Variants in IARS2 observed in about 807,000 individuals in gnomAD.
IARS2 encodes isoleucine--tRNA ligase, mitochondrial.
In IARS2, 56 loss-of-function variants were observed where a neutral mutation model predicts 126.3. The ratio of observed to expected loss-of-function variants is 0.44; its 90% CI spans 0.36 to 0.55. IARS2 has a LOEUF of 0.55. Among genes scored for constraint, IARS2 ranks in the 20% least tolerant of loss-of-function variants. IARS2 has a pLI of 0.00. For synonymous variants in IARS2, 407 were observed against 441.1 expected, an observed-to-expected ratio of 0.92 and a Z score of 0.97; for missense variants, 1,127 against 1,245.9, an observed-to-expected ratio of 0.90 and a Z score of 1.44.
chr1:220,096,303 T>TC, intron 2 of IARS2, 77 bp downstream of exon 2: 9 of 892,070 alleles, frequency 1.0e-5, no homozygotes, highest in Non-Finnish European at 1.4e-5. Flanking sequence ...ATTCTAATTA[T>TC]ATGATAATTA....
chr1:220,116,841 G>C (rs989857568), intron 12 of IARS2, among the ~76,000 whole-genome samples: 1 of 152,048 alleles, frequency 6.6e-6, no homozygotes, highest in Non-Finnish European at 1.5e-5. Flanking sequence ...CCACCTCCCA[G>C]GTTCAAGTGA....
intron 8 of IARS2, among the ~76,000 whole-genome samples, chr1:220,105,438 A>G (rs1368425811): frequency 1.3e-5 from 2 of 152,172 alleles, no homozygotes; most frequent in African/African-American, 4.8e-5. Context: ...ATTGTGGAGG[A>G]GTATATATAT....
chr1:220,137,662 A>G, intron 16 of IARS2: 1 of 371,204 alleles, frequency 2.7e-6, no homozygotes, highest in Non-Finnish European at 5.0e-6. Flanking sequence ...GAGGAAACAG[A>G]CATGACCAGG....
rs1656698851 is a variant in IARS2, at chr1:220,107,147, T to C, written c.1323T>C (p.Asp441=). The C allele has an allele frequency of 4.4e-6, 7 of 1,606,826 alleles. No individual in the cohort carries two copies. The highest frequency in any genetic ancestry group is 3.3e-5 in the Admixed American group (2 of 60,008). ...QNKAVLEEGT[D]VVIKMLQTAK... ...AGGCTGTCCTTGAAGAGGGAACTGATGTGGGTGAGCATCATATCTGTTGAT... is the reference window on the plus strand; with the variant it reads ...AGGCTGTCCTTGAAGAGGGAACTGACGTGGGTGAGCATCATATCTGTTGAT... Residue 441 remains aspartate, a synonymous_variant, in exon 10 of 23, where the codon GAT becomes GAC. Transcript: ENST00000366922.
chr1:220,116,699 ATATCT>A (rs1344869108), intron 12 of IARS2, among the ~76,000 whole-genome samples: 1 of 152,078 alleles, frequency 6.6e-6, no homozygotes, highest in African/African-American at 2.4e-5. Context: ...TAAACTACTA[ATATCT>A]TAATACTTAC....
At chr1:220,126,608 A>G in intron 13 of IARS2, 142 bp from the exon 14 acceptor site, 1 of 643,084 alleles carries the variant, frequency 1.6e-6, no homozygotes, top group Admixed American at 3.3e-5. Flanking sequence ...TAACTGTGAA[A>G]TGCTTAAAAA....
chr1:220,103,418 T>C (rs755804476), intron 7 of IARS2, 29 bp from the exon 8 acceptor site: 1 of 1,192,960 alleles, frequency 8.4e-7, no homozygotes, highest in South Asian at 1.3e-5. Context: ...GTTTCATTAT[T>C]AGTAATTTCT....
In IARS2 at chr1:220,100,508, A is replaced by C; in HGVS notation, c.409A>C (p.Asn137His). 6.2e-7 allele frequency: 1 copy of C among 1,610,210 alleles called. No homozygotes were observed. Among genetic ancestry groups the C allele is most frequent in the Non-Finnish European group, 8.5e-7 (1 of 1,178,296 alleles). ...TTTGCAGATTTTGAAAGACATAGCC[A>C]ATCGATTCCATATGATGAATGGCTC... is the stretch of plus-strand genomic sequence containing the variant. ...ALNKILKDIA[N>H]RFHMMNGSKI... The change falls in exon 3 of 23, where the codon AAT becomes CAT. Residue 137 changes from asparagine to histidine, a missense_variant. By Grantham distance (68) the Asn-to-His change is moderately conservative. Coordinates refer to ENST00000366922, the MANE Select transcript of IARS2 (RefSeq NM_018060.4).
intron 14 of IARS2, among the ~76,000 whole-genome samples, chr1:220,133,016 C>CTT (rs5781166): frequency 7.0e-6 from 1 of 143,518 alleles, no homozygotes; most frequent in Admixed American, 6.9e-5. Context: ...TATTTCTTTT[C>CTT]TTTTTTTTTT....
intron 11 of IARS2, 102 bp from the exon 12 acceptor site, chr1:220,114,212 G>T: frequency 9.7e-7 from 1 of 1,032,206 alleles, no homozygotes; most frequent in East Asian, 2.4e-5. Context: ...TATGTGAATG[G>T]CTACAAACAT....
At position 220,140,263 on chromosome 1, in the gene IARS2, C is replaced by G; in HGVS notation, c.2388C>G (p.Asn796Lys). ...CGTTTTATACCAGAGAGCTCTCTAA[C>G]TTTTATTTCAGTATAATCAAAGATA... ...LRTFYTRELSNFYFSIIKDRL... is the reference protein window; with the variant it reads ...LRTFYTRELSKFYFSIIKDRL... Residue 796 changes from asparagine to lysine, a missense_variant, in exon 19 of 23, where the codon AAC becomes AAG. Physicochemically the swap from Asn to Lys is moderately conservative, Grantham distance 94 (BLOSUM62 0). Transcript: ENST00000366922. 1 of 1,604,688 alleles carries G rather than the reference C, an allele frequency of 6.2e-7. No individual in the cohort carries two copies. Among genetic ancestry groups the G allele is most frequent in the South Asian group, 1.1e-5 (1 of 90,894 alleles).
chr1:220,114,452 A>G lies in IARS2; in HGVS notation c.1618A>G (p.Lys540Glu), dbSNP rs1346063903. ...AATTCCTGTGTTTCATCATAAGACC[A>G]AGGATGAATACTTGATCAACAGGTA... ...VPIPVFHHKT[K>E]DEYLINSQTT... is the part of the protein sequence containing the mutation. The change falls in exon 12 of 23, where the codon AAG becomes GAG. Residue 540 changes from lysine (K) to glutamate (E), a missense_variant. Transcript: ENST00000366922. 3.1e-6 allele frequency: 5 copies of G among 1,613,414 alleles called. No homozygotes were observed. The highest frequency in any genetic ancestry group is 4.2e-6 in the Non-Finnish European group (5 of 1,179,688).
chr1:220,140,003 G>A (rs1657454004), intron 18 of IARS2, among the ~76,000 whole-genome samples, 180 bp from the exon 19 acceptor site: 1 of 152,180 alleles, frequency 6.6e-6, no homozygotes, highest in South Asian at 2.1e-4. Flanking sequence ...TTTTCTGAGT[G>A]TAGTCAAATG....
intron 12 of IARS2, among the ~76,000 whole-genome samples, chr1:220,122,515 C>T (rs1424865032): frequency 6.6e-6 from 1 of 152,200 alleles, no homozygotes; most frequent in Non-Finnish European, 1.5e-5. Context: ...GAAGTAAAAA[C>T]AGCACACCAA....
intron 10 of IARS2, among the ~76,000 whole-genome samples, chr1:220,110,078 A>T (rs372971014): frequency 3.9e-5 from 6 of 151,902 alleles, no homozygotes; most frequent in African/African-American, 1.5e-4. Flanking sequence ...TTTGTGAGAC[A>T]GAGTCTCGCT....
At position 220,096,200 on chromosome 1, in the gene IARS2, C is replaced by T. The variant is rs1379918972; in HGVS notation, c.364C>T (p.Pro122Ser). Residue 122 changes from proline to serine, a missense_variant, in exon 2 of 23, where the codon CCT becomes TCT. Transcript: ENST00000366922. ...HDGPPYANGD[P>S]HVGHALNKIL... ...TGGACCTCCTTATGCAAACGGTGAC[C>T]CTCATGTTGGACATGCTTTAAATAA... 2 of 1,587,460 alleles carry T rather than the reference C, an allele frequency of 1.3e-6. No individual in the cohort carries two copies. The highest frequency in any genetic ancestry group is 1.4e-5 in the African/African-American group (1 of 73,684).
intron 11 of IARS2, among the ~76,000 whole-genome samples, chr1:220,112,129 T>TACCCCTTAACAA (rs1371571717): frequency 1.9e-5 from 2 of 107,666 alleles, no homozygotes; most frequent in African/African-American, 3.8e-5. Flanking sequence ...ACCTACTTTT[T>TACCCCTTAACAA]TTTTTTTTTT....
chr1:220,132,936 T>C (rs1657299118), intron 14 of IARS2, among the ~76,000 whole-genome samples: 1 of 152,200 alleles, frequency 6.6e-6, no homozygotes, highest in Non-Finnish European at 1.5e-5. Context: ...TCTTACATTA[T>C]CTCAGACTTT....
At chr1:220,113,071 G>A (rs1399691161) in intron 11 of IARS2, among the ~76,000 whole-genome samples, 1 of 151,908 alleles carries the variant, frequency 6.6e-6, no homozygotes, top group African/African-American at 2.4e-5. Context: ...CTCCATGTTG[G>A]CCAGGCTGGT....
Sources: gnomAD v4.1 joint callset for allele counts (sites outside exome capture counted in the v4.1 genomes callset) on GRCh38, gnomAD v4.1.1 for gene constraint, MANE v1.5 for transcripts, NCBI Gene and HGNC (gene_info 2026-07-23, HGNC 2026-07-21) for gene names.